The following YLPM1 variants were observed in gnomAD, a reference collection of about 807,000 sequenced individuals.
YLPM1 encodes YLP motif-containing protein 1.
A neutral mutation model predicts 230.0 loss-of-function variants in YLPM1; 99 were observed. That is an observed-to-expected ratio of 0.43 (90% CI 0.37 to 0.51). YLPM1 has a LOEUF of 0.51. Ranked by LOEUF, YLPM1 falls within the 20% of genes least tolerant of loss-of-function variation. The pLI is 0.00. For synonymous variants in YLPM1, 984 were observed against 942.5 expected (o/e 1.04, Z -0.81); for missense variants, 2,592 against 2,707.7 (o/e 0.96, Z 0.95).
chr14:74,798,135 C>T lies in YLPM1; in HGVS notation c.2838C>T (p.Pro946=). The change falls in exon 5 of 21, where the codon CCC becomes CCT. Residue 946 remains proline (P), a synonymous_variant. Transcript: ENST00000325680. ...DKAQAVTQPV[P]LANKPVPAQS... ...CCCAAGCTGTTACTCAGCCTGTACC[C>T]CTTGCGAATAAGCCTGTACCTGCTC... 6.2e-7 allele frequency: 1 copy of T among 1,613,936 alleles called. No homozygotes were observed. The highest frequency in any genetic ancestry group is 8.5e-7 in the Non-Finnish European group (1 of 1,179,896).
chr14:74,816,696 G>T lies in YLPM1; in HGVS notation c.5685+6G>T. The T allele has an allele frequency of 1.2e-6, 2 of 1,608,704 alleles. No homozygotes were observed. Among genetic ancestry groups the T allele is most frequent in the Non-Finnish European group, 1.7e-6 (2 of 1,177,764 alleles). ...GAAAGAAAGTGAAAAAGAAGGTATG[G>T]TATTCATCTCAGATCTCGTTCTGAT... On this transcript the variant is annotated splice_donor_region_variant and intron_variant, in intron 13 of 20. Transcript: ENST00000325680.
Position 74,795,344 on chromosome 14 carries a change from C to G in YLPM1, c.2283-2236C>G, listed in dbSNP as rs75715679. ...AAACTAGACTTTTAGAACAACAAAG[C>G]CTAAAGTCACAGGGATAGGAAATAA... On this transcript the variant is annotated intron_variant, in intron 4 of 20. Transcript: ENST00000325680. 6.3e-3 allele frequency among the ~76,000 whole-genome samples: 957 copies of G among 152,216 alleles called. 9 individuals carry two copies. Among genetic ancestry groups the G allele is most frequent in the South Asian group, 0.029 (139 of 4,820 alleles).
intron 6 of YLPM1, among the ~76,000 whole-genome samples, chr14:74,805,958 A>C (rs2091374602): frequency 6.7e-6 from 1 of 149,892 alleles, no homozygotes; most frequent in Non-Finnish European, 1.5e-5. Flanking sequence ...CACCTGCCTC[A>C]GCCTCCCAAA....
intron 18 of YLPM1, chr14:74,828,058 A>G: frequency 1.2e-5 from 11 of 952,044 alleles, no homozygotes; most frequent in Non-Finnish European, 1.4e-5. Flanking sequence ...AACTTTGCCA[A>G]GAATGCAAAA....
chr14:74,782,445 T>C lies in YLPM1; in HGVS notation c.2282+120T>C, dbSNP rs1019514612. 2.4e-5 allele frequency: 28 copies of C among 1,187,402 alleles called. No homozygotes were observed. The Middle Eastern group carries it at 7.8e-4, about 33-fold the overall frequency. The allele number at this position is 1,187,402 out of a possible 1,614,324, so 73.6% of individuals were successfully genotyped here. A position where few individuals can be genotyped will look rare whatever the true frequency, so the allele number is the denominator to read the frequency against. On this transcript the variant is annotated intron_variant, in intron 4 of 20. Transcript: ENST00000325680. Reference sequence around the variant, plus strand: ...AATGTTTATACTCTCTTTGTACTTATATTGTCTGCTTGTTAAGACATCACG... The same window carrying C: ...AATGTTTATACTCTCTTTGTACTTACATTGTCTGCTTGTTAAGACATCACG...
At chr14:74,805,629 G>T (rs1442209753) in intron 6 of YLPM1, among the ~76,000 whole-genome samples, 1 of 152,052 alleles carries the variant, frequency 6.6e-6, no homozygotes, top group Non-Finnish European at 1.5e-5. Flanking sequence ...GGGATTACAG[G>T]TGTGAGCCCC....
intron 4 of YLPM1, among the ~76,000 whole-genome samples, chr14:74,792,086 C>T (rs954324680): frequency 1.3e-5 from 2 of 152,042 alleles, no homozygotes; most frequent in Non-Finnish European, 2.9e-5. Flanking sequence ...AGTGTAATTC[C>T]GAGAAAGGAA....
intron 17 of YLPM1, chr14:74,821,716 A>C (rs1056193465): frequency 6.6e-6 from 1 of 152,236 alleles, no homozygotes; most frequent in Non-Finnish European, 1.5e-5. Context: ...TGTGTACCTA[A>C]TGTAAAATGC....
intron 1 of YLPM1, among the ~76,000 whole-genome samples, chr14:74,776,677 C>T (rs1028697824): frequency 2.0e-5 from 3 of 152,200 alleles, no homozygotes; most frequent in Admixed American, 2.0e-4. Context: ...GCTGGGAATG[C>T]ACACATGAGT....
chr14:74,815,411 A>G (rs990716321), intron 11 of YLPM1, among the ~76,000 whole-genome samples: 2 of 151,944 alleles, frequency 1.3e-5, no homozygotes, highest in Non-Finnish European at 2.9e-5. Context: ...AAAACACAAA[A>G]ATTAGGCGGG....
At chr14:74,835,617 A>G (rs1005167793) in intron 20 of YLPM1, among the ~76,000 whole-genome samples, 158 bp from the exon 21 acceptor site, 3 of 152,200 alleles carry the variant, frequency 2.0e-5, no homozygotes, top group African/African-American at 7.2e-5. Context: ...TAGAAAAGGA[A>G]GCCATTTTCT....
intron 18 of YLPM1, chr14:74,827,535 T>C (rs1263427116): frequency 1.0e-6 from 1 of 985,328 alleles, no homozygotes; most frequent in Non-Finnish European, 1.2e-6. Flanking sequence ...CTGTCATATA[T>C]ACCCAGTGTA....
intron 18 of YLPM1, chr14:74,827,244 C>G (rs2091571129): frequency 1.3e-6 from 1 of 790,284 alleles, no homozygotes; most frequent in East Asian, 1.3e-4. Context: ...CATCTTAAAA[C>G]TTCATCTTTT....
intron 4 of YLPM1, among the ~76,000 whole-genome samples, chr14:74,793,186 G>C (rs2091224339): frequency 6.6e-6 from 1 of 152,152 alleles, no homozygotes. Context: ...TGAGTAGTCA[G>C]TATGCTGGCC....
In YLPM1 at chr14:74,799,223, A is replaced by G. The variant is rs1169179592; in HGVS notation, c.3926A>G (p.Asp1309Gly). The G allele has an allele frequency of 6.2e-7, 1 of 1,614,038 alleles. No individual in the cohort carries two copies. The highest frequency in any genetic ancestry group is 1.3e-5 in the African/African-American group (1 of 75,062). Residue 1309 changes from aspartate (D) to glycine (G), a missense_variant, in exon 5 of 21, where the codon GAC becomes GGC. Around this residue, in one of 4 missense-constraint regions of YLPM1, gnomAD observed 1,862 missense variants for 1,819.8 expected, o/e 1.02. Transcript: ENST00000325680. ...MYDRSLDNEW[D>G]RDYGRPLDEQ... ...GATAGAAGTTTGGATAATGAGTGGGACAGAGATTATGGGAGACCACTGGAT... is the reference window on the plus strand; with the variant it reads ...GATAGAAGTTTGGATAATGAGTGGGGCAGAGATTATGGGAGACCACTGGAT...
At chr14:74,790,439 AAT>A (rs1460716604) in intron 4 of YLPM1, among the ~76,000 whole-genome samples, 4 of 152,200 alleles carry the variant, frequency 2.6e-5, no homozygotes, top group South Asian at 4.1e-4. Flanking sequence ...TGTTAATTTT[AAT>A]ATGTTTCTGC....
At chr14:74,772,515 C>G (rs1289247813) in intron 1 of YLPM1, among the ~76,000 whole-genome samples, 2 of 152,022 alleles carry the variant, frequency 1.3e-5, no homozygotes, top group African/African-American at 4.8e-5. Context: ...TGTGCCACCA[C>G]ACCCAGCTAA....
In YLPM1 at chr14:74,763,874, C is replaced by A. The variant is rs771228986; in HGVS notation, c.385C>A (p.His129Asn). ...KQQQYKHQML[H>N]HQRDGPPGLV... Reference sequence around the variant, plus strand: ...GCAGCAGTACAAACACCAGATGCTCCACCACCAACGAGACGGGCCTCCTGG... The same window carrying A: ...GCAGCAGTACAAACACCAGATGCTCAACCACCAACGAGACGGGCCTCCTGG... The change falls in exon 1 of 21, where the codon CAC (histidine) becomes AAC (asparagine). Residue 129 changes from histidine (H) to asparagine (N), a missense_variant. Transcript: ENST00000325680. 1.3e-6 allele frequency: 2 copies of A among 1,546,202 alleles called. No individual in the cohort carries two copies. Among genetic ancestry groups the A allele is most frequent in the Non-Finnish European group, 1.7e-6 (2 of 1,147,746 alleles).
intron 20 of YLPM1, 37 bp downstream of exon 20, chr14:74,835,484 G>T: frequency 6.5e-7 from 1 of 1,546,286 alleles, no homozygotes; most frequent in South Asian, 1.2e-5. Context: ...CCTACTGTGT[G>T]GTTGCTTCAA....
Sources: allele counts gnomAD v4.1 joint callset (sites outside exome capture counted in the v4.1 genomes callset), GRCh38; gene constraint gnomAD v4.1.1; regional missense constraint gnomAD v4.1.1; transcripts MANE v1.5; gene names NCBI Gene and HGNC (gene_info 2026-07-23, HGNC 2026-07-21).